The following DLGAP2 variants were observed in gnomAD, a reference collection of about 807,000 sequenced individuals.
The protein encoded by DLGAP2 is disks large-associated protein 2.
In DLGAP2, 26 loss-of-function variants were observed where a neutral mutation model predicts 100.3. The ratio of observed to expected loss-of-function variants is 0.26; its 90% CI spans 0.19 to 0.36. The LOEUF (loss-of-function observed/expected upper bound fraction) is 0.36, where lower values mean the gene tolerates loss of function less well. DLGAP2 is among the 10% of genes least tolerant of loss of function. The pLI is 1.00. For missense variants in DLGAP2, 1,858 were observed against 1,453.2 expected (o/e 1.28, Z -4.53); for synonymous variants, 886 against 630.1 (o/e 1.41, Z -6.08).
chr8:909,914 G>T (rs1216420085), intron 2 of DLGAP2, among the ~76,000 whole-genome samples: 1 of 152,234 alleles, frequency 6.6e-6, no homozygotes, highest in Admixed American at 6.5e-5. Flanking sequence ...CACAGCGGAG[G>T]TTCTTGGTGA....
intron 2 of DLGAP2, among the ~76,000 whole-genome samples, chr8:1,208,805 C>T (rs1442960566): frequency 6.6e-6 from 1 of 151,768 alleles, no homozygotes; most frequent in East Asian, 1.9e-4. Flanking sequence ...TCCTATAGAA[C>T]AATAGTGACG....
At chr8:1,646,956 G>T (rs553272421) in intron 8 of DLGAP2, among the ~76,000 whole-genome samples, 1 of 152,210 alleles carries the variant, frequency 6.6e-6, no homozygotes, top group African/African-American at 2.4e-5. Flanking sequence ...AAAGGCCAGG[G>T]CACAGGGCAG....
chr8:777,775 C>A (rs1030300008), intron 1 of DLGAP2, among the ~76,000 whole-genome samples: 2 of 152,100 alleles, frequency 1.3e-5, no homozygotes, highest in African/African-American at 4.8e-5. Flanking sequence ...TCTCTGGCTG[C>A]CCTTAACATT....
chr8:1,293,813 G>A (rs1800111738), intron 3 of DLGAP2, among the ~76,000 whole-genome samples: 1 of 149,984 alleles, frequency 6.7e-6, no homozygotes, highest in African/African-American at 2.4e-5. Context: ...CTTTTTATTG[G>A]ATATTGTTAG....
In DLGAP2 at chr8:801,987, CTCTGTCCTCACAGCCTGAGGAACAG is replaced by C. The variant is rs1186252636; in HGVS notation, c.18+64165_18+64189del. ...GAACGGTCTGCACCCCTCCTGGGTC[CTCTGTCCTCACAGCCTGAGGAACAG>C]TCCGCACCCCTCCTGGGCCCTCCAT... On this transcript the variant is annotated intron_variant, in intron 1 of 14. Transcript: ENST00000637795. Among the ~76,000 whole-genome samples, 6 of 144,570 alleles carry C rather than the reference CTCTGTCCTCACAGCCTGAGGAACAG, an allele frequency of 4.2e-5. 1 individual carries two copies. The highest frequency in any genetic ancestry group is 2.1e-4 in the East Asian group (1 of 4,734). The allele number at this position is 144,570 out of a possible 152,430, so 94.8% of individuals were successfully genotyped here.
chr8:918,946 G>T (rs1238676788), intron 2 of DLGAP2, among the ~76,000 whole-genome samples: 2 of 152,052 alleles, frequency 1.3e-5, no homozygotes, highest in Non-Finnish European at 2.9e-5. Context: ...TGCTGTTGTT[G>T]TTTGTTTATT....
chr8:1,373,600 G>T (rs1802308264), intron 3 of DLGAP2: 1 of 152,234 alleles, frequency 6.6e-6, no homozygotes. Flanking sequence ...TGGCCACAGC[G>T]GCGCTTTCTC....
At chr8:1,135,546 G>T (rs944557513) in intron 2 of DLGAP2, among the ~76,000 whole-genome samples, 1 of 113,622 alleles carries the variant, frequency 8.8e-6, no homozygotes, top group Admixed American at 1.4e-4. Flanking sequence ...CTTAAGAAGC[G>T]CTAGACTCTG....
At chr8:1,075,707 G>C (rs760483519) in intron 2 of DLGAP2, among the ~76,000 whole-genome samples, 3 of 152,084 alleles carry the variant, frequency 2.0e-5, no homozygotes, top group Non-Finnish European at 2.9e-5. Flanking sequence ...GTGAGAGCAA[G>C]GTTGCATCTG....
chr8:1,284,332 G>T (rs1387633485), intron 3 of DLGAP2, among the ~76,000 whole-genome samples: 1 of 152,138 alleles, frequency 6.6e-6, no homozygotes, highest in Non-Finnish European at 1.5e-5. Context: ...GCAGGTATCT[G>T]GTATCCGGGG....
chr8:826,179 G>T (rs557130626), intron 1 of DLGAP2, among the ~76,000 whole-genome samples: 2 of 152,260 alleles, frequency 1.3e-5, no homozygotes, highest in South Asian at 2.1e-4. Flanking sequence ...TGGCTGCATA[G>T]TTCTCCACTG....
At chr8:1,481,465 C>CTTTTTCTTT (rs1799090669) in intron 3 of DLGAP2, among the ~76,000 whole-genome samples, 1 of 81,692 alleles carries the variant, frequency 1.2e-5, no homozygotes, top group Non-Finnish European at 2.5e-5. Context: ...TTTTCTTTTT[C>CTTTTTCTTT]TTTTTCTTTT....
chr8:1,325,413 C>T (rs537306995), intron 3 of DLGAP2, among the ~76,000 whole-genome samples: 2 of 152,222 alleles, frequency 1.3e-5, no homozygotes, highest in Non-Finnish European at 2.9e-5. Flanking sequence ...TGTGGTCCCC[C>T]GACCCTGCAG....
At chr8:1,127,365 C>A (rs747853471) in intron 2 of DLGAP2, among the ~76,000 whole-genome samples, 3 of 151,990 alleles carry the variant, frequency 2.0e-5, no homozygotes, top group Non-Finnish European at 4.4e-5. Context: ...GCCATGGGCC[C>A]CAGGTCTGGT....
At chr8:854,365 G>A (rs540998528) in intron 1 of DLGAP2, among the ~76,000 whole-genome samples, 1 of 152,114 alleles carries the variant, frequency 6.6e-6, no homozygotes, top group South Asian at 2.1e-4. Flanking sequence ...GGACAGAGTG[G>A]GCTCTGTCTT....
At chr8:1,597,926 A>G (rs1796509734) in intron 6 of DLGAP2, among the ~76,000 whole-genome samples, 1 of 152,236 alleles carries the variant, frequency 6.6e-6, no homozygotes, top group Non-Finnish European at 1.5e-5. Context: ...ATGGTGAGAC[A>G]GGGCATCCCT....
chr8:1,530,595 A>T (rs7014433), intron 4 of DLGAP2, among the ~76,000 whole-genome samples: 100,628 of 152,100 alleles, frequency 0.66, 33,587 homozygotes, highest in South Asian at 0.81. Context: ...AGGGTACTGA[A>T]TGGGGAAGTG....
intron 2 of DLGAP2, among the ~76,000 whole-genome samples, chr8:1,174,060 C>G (rs1226038370): frequency 6.6e-6 from 1 of 152,138 alleles, no homozygotes. Context: ...CACAGCTATG[C>G]CTGGGCTGTT....
At chr8:1,292,111 G>T (rs867990443) in intron 3 of DLGAP2, among the ~76,000 whole-genome samples, 1 of 152,192 alleles carries the variant, frequency 6.6e-6, no homozygotes, top group Non-Finnish European at 1.5e-5. Context: ...AGCTAAGCCT[G>T]TGTTATTAAA....
Sources: gnomAD v4.1 joint callset for allele counts (sites outside exome capture counted in the v4.1 genomes callset) on GRCh38, gnomAD v4.1.1 for gene constraint, MANE v1.5 for transcripts, NCBI Gene and HGNC (gene_info 2026-07-23, HGNC 2026-07-21) for gene names.